The following LIMCH1 variants were observed in gnomAD, a reference collection of about 807,000 sequenced individuals.
LIMCH1 encodes the protein LIM and calponin homology domains 1.
Under a neutral mutation model 176.5 loss-of-function variants are expected in LIMCH1, and 113 were observed. That is an observed-to-expected ratio of 0.64 (90% CI 0.55 to 0.75). The LOEUF (loss-of-function observed/expected upper bound fraction) is 0.75, where lower values mean the gene tolerates loss of function less well. LIMCH1 is among the 30% of genes least tolerant of loss of function. The pLI is 0.00. For missense variants in LIMCH1, 1,674 were observed against 1,814.9 expected, an observed-to-expected ratio of 0.92 and a Z score of 1.41; for synonymous variants, 619 against 645.9, an observed-to-expected ratio of 0.96 and a Z score of 0.63.
intron 1 of LIMCH1, among the ~76,000 whole-genome samples, chr4:41,564,500 G>A (rs1374642322): frequency 6.6e-6 from 1 of 152,100 alleles, no homozygotes; most frequent in Non-Finnish European, 1.5e-5. Flanking sequence ...ACAAAAGTAG[G>A]CATGATTAAT....
chr4:41,524,786 C>T (rs910448453), intron 3 of LIMCH1, among the ~76,000 whole-genome samples: 1 of 152,150 alleles, frequency 6.6e-6, no homozygotes, highest in African/African-American at 2.4e-5. Flanking sequence ...ATTTTAATTA[C>T]GTTTTCTCAT....
chr4:41,495,103 A>T (rs895768894), intron 2 of LIMCH1, among the ~76,000 whole-genome samples: 2 of 152,230 alleles, frequency 1.3e-5, no homozygotes, highest in African/African-American at 4.8e-5. Context: ...AAATGTGAAC[A>T]ATAACTACAG....
In LIMCH1 at chr4:41,390,493, G is replaced by A. The variant is rs116409462; in HGVS notation, c.96+29557G>A. Among the ~76,000 whole-genome samples the A allele has an allele frequency of 7.3e-3, 1,105 of 152,256 alleles. 14 individuals are homozygous for A. Among genetic ancestry groups the A allele is most frequent in the African/African-American group, 0.024 (1,014 of 41,538 alleles). Reference sequence around the variant, plus strand: ...GGATGCATTATTAGATGGCATCAAGGCACCTAGGCTTTGGCAATTAGGGTT... The same window carrying A: ...GGATGCATTATTAGATGGCATCAAGACACCTAGGCTTTGGCAATTAGGGTT... On this transcript the variant is annotated intron_variant, in intron 1 of 26. Transcript: ENST00000313860.
At chr4:41,580,303 G>T (rs976525385) in intron 1 of LIMCH1, among the ~76,000 whole-genome samples, 10 of 152,218 alleles carry the variant, frequency 6.6e-5, no homozygotes, top group African/African-American at 2.4e-4. Flanking sequence ...AAAGATCAAA[G>T]AAAATGGAGA....
chr4:41,651,592 TC>T (rs1216887378), intron 18 of LIMCH1, among the ~76,000 whole-genome samples: 5 of 152,006 alleles, frequency 3.3e-5, no homozygotes, highest in Non-Finnish European at 5.9e-5. Flanking sequence ...AAATACCTTT[TC>T]CCCCCCTGTT....
At chr4:41,448,038 G>A (rs1179189517) in intron 1 of LIMCH1, among the ~76,000 whole-genome samples, 2 of 152,186 alleles carry the variant, frequency 1.3e-5, no homozygotes, top group East Asian at 1.9e-4. Context: ...TGATCTGCCT[G>A]CCTTGGCCTC....
At chr4:41,438,318 C>T (rs566206497) in intron 1 of LIMCH1, among the ~76,000 whole-genome samples, 1 of 152,246 alleles carries the variant, frequency 6.6e-6, no homozygotes, top group South Asian at 2.1e-4. Context: ...GGAGCAAAGA[C>T]TCATACCTGG....
intron 2 of LIMCH1, among the ~76,000 whole-genome samples, chr4:41,523,127 A>G (rs2076285054): frequency 6.6e-6 from 1 of 152,220 alleles, no homozygotes; most frequent in Admixed American, 6.5e-5. Flanking sequence ...AAAGTCAAAG[A>G]TAGTCTAAAT....
chr4:41,487,874 A>T (rs368099869), intron 1 of LIMCH1, among the ~76,000 whole-genome samples: 1 of 150,210 alleles, frequency 6.7e-6, no homozygotes, highest in Non-Finnish European at 1.5e-5. Flanking sequence ...GGATGGTCTC[A>T]ATCTCCTGAC....
intron 18 of LIMCH1, among the ~76,000 whole-genome samples, chr4:41,659,211 G>C (rs576869121): frequency 6.6e-6 from 1 of 152,242 alleles, no homozygotes; most frequent in Admixed American, 6.5e-5. Flanking sequence ...GTCTCTTGCA[G>C]GGATTCAAGT....
rs374239483 is a variant in LIMCH1, at chr4:41,648,905, CAT to C, written c.2821-1486_2821-1485del. Reference sequence around the variant, plus strand: ...ACTAGAATAGAATATAATAAAAAAACATAGTGTGTCACACAATGAAGGCAAAA... The same window carrying C: ...ACTAGAATAGAATATAATAAAAAAACAGTGTGTCACACAATGAAGGCAAAA... On this transcript the variant is annotated intron_variant, in intron 17 of 31. Coordinates refer to ENST00000503057, the MANE Select transcript of LIMCH1 (RefSeq NM_001330672.2). Among the ~76,000 whole-genome samples, 282 of 150,504 alleles carry C rather than the reference CAT, an allele frequency of 1.9e-3. 1 individual carries two copies. Among genetic ancestry groups the C allele is most frequent in the African/African-American group, 5.8e-3 (239 of 40,862 alleles).
chr4:41,627,892 T>C (rs749565357), intron 8 of LIMCH1, among the ~76,000 whole-genome samples: 1 of 152,264 alleles, frequency 6.6e-6, no homozygotes, highest in Non-Finnish European at 1.5e-5. Context: ...GAACTTAGTA[T>C]ATAATTATCT....
intron 1 of LIMCH1, among the ~76,000 whole-genome samples, chr4:41,550,316 C>A (rs1020981310): frequency 2.0e-5 from 3 of 151,288 alleles, no homozygotes. Flanking sequence ...CAATTAATAC[C>A]TGTTGACTGA....
chr4:41,652,526 G>C (rs1342450044), intron 18 of LIMCH1, among the ~76,000 whole-genome samples: 1 of 152,216 alleles, frequency 6.6e-6, no homozygotes, highest in Non-Finnish European at 1.5e-5. Context: ...AGTTCTGCTA[G>C]CAGTGTGAGA....
chr4:41,571,495 A>G (rs1232386387), intron 1 of LIMCH1, among the ~76,000 whole-genome samples: 1 of 152,080 alleles, frequency 6.6e-6, no homozygotes. Context: ...CACAGAGAGA[A>G]TATGAAGAGA....
chr4:41,362,345 A>C (rs1191079566), intron 1 of LIMCH1, among the ~76,000 whole-genome samples: 3 of 152,212 alleles, frequency 2.0e-5, no homozygotes, highest in African/African-American at 7.2e-5. Context: ...TTGGCTTTTT[A>C]TTTTTGATAT....
chr4:41,406,618 C>G (rs1433157575), intron 1 of LIMCH1, among the ~76,000 whole-genome samples: 1 of 152,090 alleles, frequency 6.6e-6, no homozygotes, highest in African/African-American at 2.4e-5. Context: ...ATTGAAATGT[C>G]AAGGATTTTG....
intron 2 of LIMCH1, among the ~76,000 whole-genome samples, chr4:41,517,761 G>A (rs1439902653): frequency 1.3e-5 from 2 of 151,780 alleles, no homozygotes; most frequent in Non-Finnish European, 2.9e-5. Flanking sequence ...ACAGATTTTT[G>A]GTCAAGGTTA....
chr4:41,664,105 G>A (rs1228915902), intron 20 of LIMCH1, among the ~76,000 whole-genome samples: 1 of 152,140 alleles, frequency 6.6e-6, no homozygotes, highest in Non-Finnish European at 1.5e-5. Flanking sequence ...TGTGGAGGCA[G>A]AGCCCAGGCA....
Sources: allele counts gnomAD v4.1 joint callset (sites outside exome capture counted in the v4.1 genomes callset), GRCh38; gene constraint gnomAD v4.1.1; transcripts MANE v1.5; gene names NCBI Gene and HGNC (gene_info 2026-07-23, HGNC 2026-07-21).